CEP128: variants seen among roughly 807,000 people sequenced by gnomAD.
The protein encoded by CEP128 is centrosomal protein 128kDa.
A neutral mutation model predicts 156.7 loss-of-function variants in CEP128; 132 were observed. The ratio of observed to expected loss-of-function variants is 0.84; its 90% CI spans 0.73 to 0.97. The LOEUF (loss-of-function observed/expected upper bound fraction) is 0.97, where lower values mean the gene tolerates loss of function less well. Ranked by LOEUF, CEP128 falls within the 50% of genes least tolerant of loss-of-function variation. The pLI is 0.00. For missense variants in CEP128, 1,252 were observed against 1,281.9 expected, an observed-to-expected ratio of 0.98 and a Z score of 0.36; for synonymous variants, 469 against 448.9, an observed-to-expected ratio of 1.04 and a Z score of -0.57.
intron 21 of CEP128, among the ~76,000 whole-genome samples, chr14:80,536,985 T>C (rs372578889): frequency 6.6e-6 from 1 of 152,214 alleles, no homozygotes; most frequent in Admixed American, 6.5e-5. Flanking sequence ...GTGTCTACAT[T>C]TGGGCTAACA....
chr14:80,514,373 A>T (rs960202491), intron 23 of CEP128, among the ~76,000 whole-genome samples: 3 of 151,980 alleles, frequency 2.0e-5, no homozygotes, highest in African/African-American at 7.2e-5. Context: ...TTTCATCAAC[A>T]GAGGCTATTT....
intron 18 of CEP128, among the ~76,000 whole-genome samples, chr14:80,756,289 T>C (rs1359406918): frequency 2.6e-5 from 4 of 152,160 alleles, no homozygotes; most frequent in Non-Finnish European, 4.4e-5. Flanking sequence ...TCAATCACTA[T>C]ACTTTCATTT....
At chr14:80,768,887 G>A (rs2139722975) in intron 16 of CEP128, among the ~76,000 whole-genome samples, 1 of 152,266 alleles carries the variant, frequency 6.6e-6, no homozygotes, top group Non-Finnish European at 1.5e-5. Flanking sequence ...TAATCAGAAC[G>A]TGTTAGGATA....
At chr14:80,550,271 C>A (rs1416114749) in intron 21 of CEP128, among the ~76,000 whole-genome samples, 1 of 152,110 alleles carries the variant, frequency 6.6e-6, no homozygotes, top group Non-Finnish European at 1.5e-5. Context: ...CGACTAATTG[C>A]AACTACTAAT....
intron 13 of CEP128, among the ~76,000 whole-genome samples, chr14:80,800,637 C>T (rs545794473): frequency 9.9e-5 from 15 of 152,154 alleles, no homozygotes; most frequent in East Asian, 1.9e-4. Flanking sequence ...AGGAATCATA[C>T]GATCTTGATG....
At chr14:80,610,305 ATCTG>A (rs1892945936) in intron 19 of CEP128, among the ~76,000 whole-genome samples, 1 of 152,114 alleles carries the variant, frequency 6.6e-6, no homozygotes, top group East Asian at 1.9e-4. Flanking sequence ...TGTTTTTATC[ATCTG>A]TCTGATTATT....
At chr14:80,771,113 C>G (rs560248075) in intron 16 of CEP128, among the ~76,000 whole-genome samples, 7 of 152,108 alleles carry the variant, frequency 4.6e-5, no homozygotes, top group African/African-American at 1.7e-4. Flanking sequence ...CTCACAGATA[C>G]GTTTTATGTG....
intron 5 of CEP128, chr14:80,905,481 C>T (rs1595571571): frequency 6.4e-6 from 1 of 156,598 alleles, no homozygotes; most frequent in East Asian, 1.9e-4. Flanking sequence ...CAGTGCTATA[C>T]AAAAGTGTAA....
intron 19 of CEP128, among the ~76,000 whole-genome samples, chr14:80,624,199 C>T (rs1477559856): frequency 1.3e-5 from 2 of 152,088 alleles, no homozygotes; most frequent in Non-Finnish European, 2.9e-5. Context: ...GCTTGACTTA[C>T]TTCACTTAAC....
At chr14:80,486,317 GA>G (rs887733580), downstream of CEP128, among the ~76,000 whole-genome samples, 4 of 151,334 alleles carry the variant, frequency 2.6e-5, no homozygotes, top group African/African-American at 7.3e-5. Flanking sequence ...GAAGTTTAGA[GA>G]AAAAAAAATA....
chr14:80,526,150 G>A (rs1337209115), intron 23 of CEP128, among the ~76,000 whole-genome samples: 1 of 152,074 alleles, frequency 6.6e-6, no homozygotes, highest in East Asian at 1.9e-4. Flanking sequence ...AGATGTTACT[G>A]GCATCTAGTG....
chr14:80,674,114 A>G (rs6574599), intron 19 of CEP128, among the ~76,000 whole-genome samples: 130,572 of 151,526 alleles, frequency 0.86, 56,484 homozygotes, highest in East Asian at 0.97. Flanking sequence ...TTTTTGGTAC[A>G]GAAAACTGGT....
intron 14 of CEP128, among the ~76,000 whole-genome samples, chr14:80,791,554 C>A (rs1901706356): frequency 6.6e-6 from 1 of 152,132 alleles, no homozygotes; most frequent in Admixed American, 6.5e-5. Context: ...AGCTACCTAC[C>A]TACCTTACAG....
chr14:80,683,134 C>G (rs11848744), intron 19 of CEP128, among the ~76,000 whole-genome samples: 10,143 of 152,066 alleles, frequency 0.067, 1,118 homozygotes, highest in African/African-American at 0.23. Context: ...TCAATATTAA[C>G]CTTGAATATA....
chr14:80,712,325 A>G (rs1897441755), intron 19 of CEP128, among the ~76,000 whole-genome samples: 1 of 152,138 alleles, frequency 6.6e-6, no homozygotes, highest in South Asian at 2.1e-4. Flanking sequence ...GTCAGGGTAC[A>G]ACTGACAACC....
intron 21 of CEP128, among the ~76,000 whole-genome samples, chr14:80,534,657 C>T (rs150832431): frequency 2.6e-5 from 4 of 152,036 alleles, no homozygotes; most frequent in Admixed American, 1.3e-4. Context: ...AACCCCATCT[C>T]TACTAAAAAT....
At chr14:80,805,659 T>C (rs1161754063) in intron 13 of CEP128, among the ~76,000 whole-genome samples, 1 of 152,228 alleles carries the variant, frequency 6.6e-6, no homozygotes, top group African/African-American at 2.4e-5. Flanking sequence ...CTTGCATGTC[T>C]TGATGAACTT....
chr14:80,825,978 C>T (rs541913983), intron 13 of CEP128, among the ~76,000 whole-genome samples: 26 of 152,038 alleles, frequency 1.7e-4, no homozygotes, highest in Middle Eastern at 3.4e-3. Flanking sequence ...TGGTGGCACA[C>T]GCCTGTAATC....
intron 19 of CEP128, among the ~76,000 whole-genome samples, chr14:80,741,801 A>G (rs781743115): frequency 4.9e-4 from 75 of 152,270 alleles, no homozygotes; most frequent in Admixed American, 2.1e-3. Flanking sequence ...TGTGTCAGAA[A>G]TATCTAAACT....
Sources: gnomAD v4.1 joint callset for allele counts (sites outside exome capture counted in the v4.1 genomes callset) on GRCh38, gnomAD v4.1.1 for gene constraint, MANE v1.5 for transcripts, NCBI Gene and HGNC (gene_info 2026-07-23, HGNC 2026-07-21) for gene names.